Variants in HGD observed in about 807,000 individuals in gnomAD.
HGD encodes the protein homogentisate 1,2-dioxygenase, also known as homogentisate oxidase.
A neutral mutation model predicts 60.8 loss-of-function variants in HGD; 61 were observed. The ratio of observed to expected loss-of-function variants is 1.00; its 90% CI spans 0.82 to 1.24. The LOEUF (loss-of-function observed/expected upper bound fraction) is 1.24. Ranked by LOEUF, HGD falls within the 50% of genes most tolerant of loss-of-function variation. HGD has a pLI of 0.00. For synonymous variants in HGD, 212 were observed against 187.7 expected (o/e 1.13, Z -1.06); for missense variants, 542 against 547.1 (o/e 0.99, Z 0.09).
At chr3:120,676,971 T>C (rs963119170) in intron 1 of HGD, among the ~76,000 whole-genome samples, 12 of 152,228 alleles carry the variant, frequency 7.9e-5, no homozygotes, top group African/African-American at 2.7e-4. Flanking sequence ...TTAATACTTT[T>C]GTAATTTCTT....
At chr3:120,646,911 G>T in intron 8 of HGD, 62 bp downstream of exon 8, 2 of 1,290,980 alleles carry the variant, frequency 1.5e-6, no homozygotes, top group Non-Finnish European at 2.3e-6. Context: ...AGCAGCAGCT[G>T]AAACATCTGA....
chr3:120,633,856 C>A (rs1940670775), intron 12 of HGD, among the ~76,000 whole-genome samples: 1 of 152,108 alleles, frequency 6.6e-6, no homozygotes, highest in East Asian at 1.9e-4. Context: ...GACTTAAAGT[C>A]CATTATCAAA....
intron 5 of HGD, among the ~76,000 whole-genome samples, chr3:120,651,433 GCC>G (rs1447407243): frequency 9.9e-5 from 15 of 152,178 alleles, no homozygotes; most frequent in Non-Finnish European, 1.6e-4. Flanking sequence ...ATAGCCCTCA[GCC>G]CCAAACCTGC....
rs111540631 is a variant in HGD, at chr3:120,630,843, T to TACACACACACACAC, written c.1188+2290_1188+2303dup. The stretch of plus-strand genomic sequence containing the variant: ...ATATATATACACATACACACACACA[T>TACACACACACACAC]ACACACACACACACACACACACACA... On this transcript the variant is annotated intron_variant, in intron 13 of 13. Coordinates refer to ENST00000283871, the MANE Select transcript of HGD (RefSeq NM_000187.4). 6.0e-4 allele frequency among the ~76,000 whole-genome samples: 70 copies of TACACACACACACAC among 116,682 alleles called. 1 individual carries two copies. Among genetic ancestry groups the TACACACACACACAC allele is most frequent in the Admixed American group, 2.9e-3 (32 of 11,184 alleles). 76.5% of individuals were successfully genotyped at this position (116,682 alleles called of 152,430 possible).
chr3:120,667,243 C>G (rs528179909), intron 4 of HGD, among the ~76,000 whole-genome samples: 36 of 144,450 alleles, frequency 2.5e-4, no homozygotes, highest in African/African-American at 8.5e-4. Flanking sequence ...GGAGGATCAT[C>G]TGAGCCTGGG....
At chr3:120,673,098 G>A (rs1022357497) in intron 3 of HGD, among the ~76,000 whole-genome samples, 14 of 152,204 alleles carry the variant, frequency 9.2e-5, no homozygotes, top group African/African-American at 2.4e-4. Flanking sequence ...TTTTCCCACT[G>A]GAGATTTTGG....
At chr3:120,658,812 C>T (rs1028445708) in intron 4 of HGD, among the ~76,000 whole-genome samples, 14 of 152,242 alleles carry the variant, frequency 9.2e-5, no homozygotes, top group African/African-American at 3.4e-4. Flanking sequence ...CTCTTGTATC[C>T]TGTGCACCTG....
At chr3:120,665,408 A>T (rs1707876621) in intron 4 of HGD, among the ~76,000 whole-genome samples, 1 of 152,234 alleles carries the variant, frequency 6.6e-6, no homozygotes, top group Non-Finnish European at 1.5e-5. Flanking sequence ...AAGGACTCTT[A>T]AAGAGAAGTG....
chr3:120,680,093 G>A (rs531054771), intron 1 of HGD, among the ~76,000 whole-genome samples: 42 of 152,142 alleles, frequency 2.8e-4, no homozygotes, highest in South Asian at 2.1e-4. Flanking sequence ...CAAGTTCTTC[G>A]TTTTAGAAAT....
intron 12 of HGD, among the ~76,000 whole-genome samples, chr3:120,636,051 G>A (rs1379269906): frequency 6.7e-6 from 1 of 149,826 alleles, no homozygotes; most frequent in Non-Finnish European, 1.5e-5. Flanking sequence ...CAGGTGGATT[G>A]CTTGAGTTTA....
intron 4 of HGD, among the ~76,000 whole-genome samples, chr3:120,669,562 A>G (rs1472503959): frequency 6.6e-6 from 1 of 152,164 alleles, no homozygotes; most frequent in Non-Finnish European, 1.5e-5. Context: ...TTCTCCATAC[A>G]TAGTGAACCA....
At chr3:120,661,399 T>C (rs749482721) in intron 4 of HGD, among the ~76,000 whole-genome samples, 6 of 152,232 alleles carry the variant, frequency 3.9e-5, no homozygotes, top group Non-Finnish European at 5.9e-5. Context: ...TCAAACAGTA[T>C]TTATTGAACC....
Position 120,674,998 on chromosome 3 carries a change from A to C in HGD, c.88-9T>G. On this transcript the variant is annotated splice_polypyrimidine_tract_variant and intron_variant, in intron 2 of 13. Coordinates refer to ENST00000283871, the MANE Select transcript of HGD (RefSeq NM_000187.4). ...CAGACCTGAGGATTATTCTGAAACAAAGGATGCAATAAACAATATTACTCC... is the reference window on the plus strand; with the variant it reads ...CAGACCTGAGGATTATTCTGAAACACAGGATGCAATAAACAATATTACTCC... 1 of 1,589,590 alleles carries C rather than the reference A, an allele frequency of 6.3e-7. No homozygotes were observed. The highest frequency in any genetic ancestry group is 1.1e-5 in the South Asian group (1 of 90,610).
intron 1 of HGD, among the ~76,000 whole-genome samples, chr3:120,681,454 A>T (rs1298688423): frequency 2.0e-5 from 3 of 152,212 alleles, no homozygotes; most frequent in Non-Finnish European, 4.4e-5. Context: ...CAAGTCATCT[A>T]TTGGCAGTGA....
At chr3:120,647,109 A>C in intron 7 of HGD, 57 bp from the exon 8 acceptor site, 2 of 1,342,394 alleles carry the variant, frequency 1.5e-6, no homozygotes, top group Non-Finnish European at 2.1e-6. Flanking sequence ...TAACCATTTC[A>C]TGAACAGGAA....
chr3:120,666,780 G>A (rs896948973), intron 4 of HGD, among the ~76,000 whole-genome samples: 11 of 152,020 alleles, frequency 7.2e-5, no homozygotes, highest in Middle Eastern at 3.2e-3. Flanking sequence ...CCAAAGTGCT[G>A]GGATTACAGG....
chr3:120,637,235 TG>T (rs1457864337), intron 12 of HGD, among the ~76,000 whole-genome samples: 3 of 151,122 alleles, frequency 2.0e-5, no homozygotes, highest in Non-Finnish European at 4.4e-5. Context: ...AATTAAATCC[TG>T]ACTCTACACT....
In HGD at chr3:120,638,508, A is replaced by T; in HGVS notation, c.953T>A (p.Phe318Tyr). ...PGVAIADFVI[F>Y]PPRWGVADKT... is the part of the protein sequence containing the mutation. ...ATCAGCAACCCCCCATCGAGGTGGG[A>T]AGATGACAAAATCAGCAATGGCCAC... is the stretch of plus-strand genomic sequence containing the variant. The change falls in exon 12 of 14, where the codon TTC (phenylalanine) becomes TAC (tyrosine). Residue 318 changes from phenylalanine to tyrosine, a missense_variant. Phe to Tyr is a conservative substitution (Grantham distance 22). This residue lies in a region of HGD where 537 missense variants were observed against 529.1 expected (regional missense o/e 1.01). Coordinates refer to ENST00000283871, the MANE Select transcript of HGD (RefSeq NM_000187.4). 2 of 1,614,008 alleles carry T rather than the reference A, an allele frequency of 1.2e-6. No homozygotes were observed. Among genetic ancestry groups the T allele is most frequent in the Non-Finnish European group, 1.7e-6 (2 of 1,179,940 alleles).
At chr3:120,641,047 A>G (rs1940953844) in intron 11 of HGD, among the ~76,000 whole-genome samples, 1 of 152,182 alleles carries the variant, frequency 6.6e-6, no homozygotes, top group Admixed American at 6.5e-5. Flanking sequence ...AGTGAAAAAT[A>G]TGACCAAGTT....
Sources: allele counts gnomAD v4.1 joint callset (sites outside exome capture counted in the v4.1 genomes callset), GRCh38; gene constraint gnomAD v4.1.1; regional missense constraint gnomAD v4.1.1; transcripts MANE v1.5; gene names NCBI Gene and HGNC (gene_info 2026-07-23, HGNC 2026-07-21).